The following PATL1 variants were observed in gnomAD, a reference collection of about 807,000 sequenced individuals.
PATL1 encodes PAT1 homolog 1, processing body mRNA decay factor.
A neutral mutation model predicts 100.6 loss-of-function variants in PATL1; 32 were observed. The ratio of observed to expected loss-of-function variants is 0.32; its 90% CI spans 0.24 to 0.43. PATL1 has a LOEUF of 0.43. Ranked by LOEUF, PATL1 falls within the 20% of genes least tolerant of loss-of-function variation. PATL1 has a pLI of 1.00. For synonymous variants in PATL1, 332 were observed against 330.0 expected (o/e 1.01, Z -0.07); for missense variants, 747 against 949.9 (o/e 0.79, Z 2.81).
At chr11:59,655,489 A>G (rs752034443) in intron 8 of PATL1, 34 bp downstream of exon 8, 43 of 1,477,410 alleles carry the variant, frequency 2.9e-5, no homozygotes, top group South Asian at 1.0e-4. Flanking sequence ...GACTTGGCTG[A>G]TAACTGATAA....
At chr11:59,665,353 C>T (rs772850454) in intron 2 of PATL1, among the ~76,000 whole-genome samples, 8 of 152,162 alleles carry the variant, frequency 5.3e-5, no homozygotes, top group Non-Finnish European at 1.0e-4. Flanking sequence ...TATGACTTAA[C>T]TTGGAGTATT....
intron 15 of PATL1, 133 bp downstream of exon 15, chr11:59,647,621 A>T: frequency 2.1e-6 from 2 of 943,358 alleles, no homozygotes; most frequent in South Asian, 1.5e-5. Flanking sequence ...GTTTTGTTTT[A>T]AATAATCAAA....
Position 59,644,310 on chromosome 11 carries a change from A to C in PATL1, c.1894-1275T>G, listed in dbSNP as rs1861330496. ...CTCACAATATCATACCTAACAAAAT[A>C]AACAATAATTTTTCTTCATAGACCA... On this transcript the variant is annotated intron_variant, in intron 15 of 18. Coordinates refer to ENST00000300146, the MANE Select transcript of PATL1 (RefSeq NM_152716.3). Among the ~76,000 whole-genome samples the C allele has an allele frequency of 4.6e-5, 7 of 152,196 alleles. No individual in the cohort carries two copies. In the South Asian group the frequency reaches 1.5e-3, roughly 32 times the overall value.
Position 59,647,763 on chromosome 11 carries a change from T to G in PATL1, c.1884A>C (p.Ala628=). ...RNLPFLIKKD[A]QDEVLPCLLS... ...CATCTTGCATAGTCACCTCATCTTG[T>G]GCATCCTTCTTGATAAGGAAAGGGA... The change falls in exon 15 of 19, where the codon GCA becomes GCC. Residue 628 remains alanine (A), a synonymous_variant. Transcript: ENST00000300146. The G allele has an allele frequency of 2.5e-6, 4 of 1,613,974 alleles. No homozygotes were observed. The highest frequency in any genetic ancestry group is 3.4e-6 in the Non-Finnish European group (4 of 1,179,858).
At chr11:59,666,416 G>A (rs567762806) in intron 2 of PATL1, among the ~76,000 whole-genome samples, 14 of 152,246 alleles carry the variant, frequency 9.2e-5, no homozygotes, top group Admixed American at 7.8e-4. Flanking sequence ...ATATACTAGT[G>A]ATAGACTAAA....
intron 2 of PATL1, among the ~76,000 whole-genome samples, chr11:59,664,692 G>C (rs769617793): frequency 6.6e-6 from 1 of 152,048 alleles, no homozygotes; most frequent in Non-Finnish European, 1.5e-5. Flanking sequence ...TCCAGCCTCA[G>C]CCTCAACCTC....
Position 59,659,327 on chromosome 11 carries a change from G to A in PATL1, c.270C>T (p.Leu90=). 3 of 1,551,222 alleles carry A rather than the reference G, an allele frequency of 1.9e-6. No individual in the cohort carries two copies. The highest frequency in any genetic ancestry group is 2.6e-6 in the Non-Finnish European group (3 of 1,146,796). The change falls in exon 3 of 19, where the codon CTC becomes CTT. Residue 90 remains leucine, a synonymous_variant. Transcript: ENST00000300146. ...GDHEENLAER[L]SKMVIENELE... ...GTTCATTTTCAATCACCATCTTACTGAGCCTTTCTGCCAGATTCTCCTCAT... is the reference window on the plus strand; with the variant it reads ...GTTCATTTTCAATCACCATCTTACTAAGCCTTTCTGCCAGATTCTCCTCAT...
intron 2 of PATL1, 126 bp from the exon 3 acceptor site, chr11:59,659,595 G>C: frequency 1.2e-6 from 1 of 843,948 alleles, no homozygotes; most frequent in Non-Finnish European, 1.8e-6. Context: ...GCAGTGGCGT[G>C]ATCTCGGCTC....
intron 17 of PATL1, 38 bp downstream of exon 17, chr11:59,639,254 A>AAATTTAAG (rs1861238618): frequency 1.3e-6 from 2 of 1,576,266 alleles, no homozygotes; most frequent in Non-Finnish European, 1.7e-6. Context: ...GATTACCTCA[A>AAATTTAAG]AGAACTTAAA....
At chr11:59,653,148 T>A in intron 9 of PATL1, 130 bp from the exon 10 acceptor site, 1 of 758,920 alleles carries the variant, frequency 1.3e-6, no homozygotes, top group Non-Finnish European at 2.1e-6. Flanking sequence ...AAAAGGGGAG[T>A]GAAAAAGAAC....
At chr11:59,655,376 T>A in intron 8 of PATL1, 147 bp downstream of exon 8, 1 of 763,078 alleles carries the variant, frequency 1.3e-6, no homozygotes, top group Non-Finnish European at 2.1e-6. Context: ...CTGGAGATTG[T>A]CAAACATTTC....
intron 8 of PATL1, among the ~76,000 whole-genome samples, chr11:59,654,489 TAAAAAAAAA>T (rs528454364): frequency 1.2e-5 from 1 of 82,428 alleles, no homozygotes; most frequent in Admixed American, 1.2e-4. Flanking sequence ...TCAAAAACAT[TAAAAAAAAA>T]AAAAAAAAAA....
chr11:59,654,380 G>A (rs915109415), intron 8 of PATL1, among the ~76,000 whole-genome samples: 9 of 151,708 alleles, frequency 5.9e-5, no homozygotes, highest in African/African-American at 2.2e-4. Flanking sequence ...GGGAGGCTGA[G>A]GCAGTGGAAT....
chr11:59,652,156 C>T (rs527965834), intron 11 of PATL1, among the ~76,000 whole-genome samples: 1 of 132,358 alleles, frequency 7.6e-6, no homozygotes, highest in South Asian at 2.7e-4. Flanking sequence ...CTCTCTGTTA[C>T]AATAATTATC....
chr11:59,660,612 C>T (rs752209919), intron 2 of PATL1, among the ~76,000 whole-genome samples: 19 of 151,982 alleles, frequency 1.3e-4, no homozygotes, highest in Non-Finnish European at 1.8e-4. Context: ...TTTTGAGAAA[C>T]GGCAAGGAGG....
At chr11:59,663,456 A>G (rs1343378160) in intron 2 of PATL1, among the ~76,000 whole-genome samples, 1 of 152,188 alleles carries the variant, frequency 6.6e-6, no homozygotes, top group Non-Finnish European at 1.5e-5. Flanking sequence ...GACTCCCCCA[A>G]AACTATTAAA....
At chr11:59,666,774 A>T in intron 2 of PATL1, 79 bp downstream of exon 2, 1 of 1,414,530 alleles carries the variant, frequency 7.1e-7, no homozygotes, top group Admixed American at 2.5e-5. Context: ...ACCCCTAATA[A>T]GATAAAGCAC....
chr11:59,655,700 A>G lies in PATL1; in HGVS notation c.854T>C (p.Val285Ala), dbSNP rs1229129286. ...AAGTGGACTACCAACAAATCCAGGG[A>G]CCCGTGCAAACTGGCTGGGAGACAT... ...GRMSPSQFAR[V>A]PGFVGSPLAA... The change falls in exon 8 of 19, where the codon GTC (valine) becomes GCC (alanine). Residue 285 changes from valine (V) to alanine (A), a missense_variant. Physicochemically the swap from Val to Ala is moderately conservative, Grantham distance 64. This residue lies in a region of PATL1 where 127 missense variants were observed against 116.0 expected (regional missense o/e 1.09). Transcript: ENST00000300146. 1.9e-6 allele frequency: 3 copies of G among 1,603,256 alleles called. No homozygotes were observed. The East Asian group carries it at 6.7e-5, about 36-fold the overall frequency.
chr11:59,636,845 A>C lies in PATL1; in HGVS notation c.*1545T>G, dbSNP rs1861199374. 6.6e-6 allele frequency: 1 copy of C among 152,616 alleles called. No individual in the cohort carries two copies. The highest frequency in any genetic ancestry group is 2.1e-4 in the South Asian group (1 of 4,832). 9.5% of individuals were successfully genotyped at this position (152,616 alleles called of 1,614,324 possible). The stretch of plus-strand genomic sequence containing the variant: ...GCACAGTAAGGAAGAGATAATAATC[A>C]AGTATTCACTTGATTGGTTGTGAAG... On this transcript the variant is annotated 3_prime_UTR_variant, in exon 19 of 19. Coordinates refer to ENST00000300146, the MANE Select transcript of PATL1 (RefSeq NM_152716.3).
Sources: allele counts gnomAD v4.1 joint callset (sites outside exome capture counted in the v4.1 genomes callset), GRCh38; gene constraint gnomAD v4.1.1; regional missense constraint gnomAD v4.1.1; transcripts MANE v1.5; gene names NCBI Gene and HGNC (gene_info 2026-07-23, HGNC 2026-07-21).